The following SMURF1 variants were observed in gnomAD, a reference collection of about 807,000 sequenced individuals.
The protein encoded by SMURF1 is E3 ubiquitin-protein ligase SMURF1.
SMURF1 carries 44 observed loss-of-function variants against 98.0 expected under a neutral mutation model. The ratio of observed to expected loss-of-function variants is 0.45; its 90% CI spans 0.35 to 0.58. SMURF1 has a LOEUF of 0.58. Among genes scored for constraint, SMURF1 ranks in the 20% least tolerant of loss-of-function variants. The pLI is 0.00. For synonymous variants in SMURF1, 396 were observed against 374.9 expected, an observed-to-expected ratio of 1.06 and a Z score of -0.65; for missense variants, 687 against 938.4, an observed-to-expected ratio of 0.73 and a Z score of 3.50.
rs1314739556 is a variant in SMURF1, at chr7:99,069,208, G to A, written c.56-7371C>T. 4.6e-5 allele frequency among the ~76,000 whole-genome samples: 7 copies of A among 152,168 alleles called. No individual in the cohort carries two copies. In the East Asian group the frequency reaches 1.4e-3, roughly 29 times the overall value. On this transcript the variant is annotated intron_variant, in intron 1 of 17. Coordinates refer to ENST00000361368, the MANE Select transcript of SMURF1 (RefSeq NM_181349.3). ...GTACATAAATGTTTCGACTGCTCTG[G>A]GAATTACAACTCTAACCATCAGTGA...
At chr7:99,043,677 AC>A (rs1795468099) in intron 11 of SMURF1, among the ~76,000 whole-genome samples, 1 of 152,262 alleles carries the variant, frequency 6.6e-6, no homozygotes, top group South Asian at 2.1e-4. Context: ...GCACATATTT[AC>A]AGAGACAAGT....
chr7:99,059,408 AAAATAAAATAAAATAAAATAAAAT>A (rs761800252), intron 3 of SMURF1, among the ~76,000 whole-genome samples: 8,093 of 92,194 alleles, frequency 0.088, 595 homozygotes, highest in Middle Eastern at 0.13. Flanking sequence ...AAAAAAAAAT[AAAATAAAATAAAATAAAATAAAAT>A]AAAATAAAAT....
At chr7:99,143,626 G>C in intron 1 of SMURF1, 100 bp downstream of exon 1, 1 of 1,023,246 alleles carries the variant, frequency 9.8e-7, no homozygotes. Context: ...CTGGGACAAC[G>C]GCCGGCGTGG....
intron 1 of SMURF1, among the ~76,000 whole-genome samples, chr7:99,137,200 T>C (rs969021429): frequency 6.6e-6 from 1 of 152,190 alleles, no homozygotes; most frequent in African/African-American, 2.4e-5. Context: ...GAATAAGACA[T>C]AACAGGAATC....
chr7:99,032,024 CGT>C (rs1241648106), intron 17 of SMURF1, among the ~76,000 whole-genome samples: 1 of 152,122 alleles, frequency 6.6e-6, no homozygotes, highest in Non-Finnish European at 1.5e-5. Flanking sequence ...AGACAAGGTA[CGT>C]GTGTCATAAG....
chr7:99,132,353 C>T (rs1173557389), intron 1 of SMURF1, among the ~76,000 whole-genome samples: 1 of 152,086 alleles, frequency 6.6e-6, no homozygotes, highest in Non-Finnish European at 1.5e-5. Flanking sequence ...TTGTGAGCAC[C>T]AGCAGGTGCC....
rs367761495 is a variant in SMURF1, at chr7:99,054,745, A to C, written c.479+45T>G. The C allele has an allele frequency of 9.0e-5, 140 of 1,563,036 alleles. No individual in the cohort carries two copies. In the African/African-American group the frequency reaches 1.6e-3, roughly 18 times the overall value. Reference sequence around the variant, plus strand: ...CGCTTTCCTATAGGCCGAGAGGTTAAGGCAGCAGAGAACTCAGCCCGCCTC... The same window carrying C: ...CGCTTTCCTATAGGCCGAGAGGTTACGGCAGCAGAGAACTCAGCCCGCCTC... On this transcript the variant is annotated intron_variant, in intron 6 of 17. Coordinates refer to ENST00000361368, the MANE Select transcript of SMURF1 (RefSeq NM_181349.3).
At chr7:99,096,337 G>A (rs980849403) in intron 1 of SMURF1, among the ~76,000 whole-genome samples, 17 of 152,190 alleles carry the variant, frequency 1.1e-4, no homozygotes, top group African/African-American at 3.6e-4. Context: ...GTCAATGCCT[G>A]CTAAACAAAT....
In SMURF1 at chr7:99,037,078, T is replaced by C. The variant is rs758481494; in HGVS notation, c.1798A>G (p.Lys600Glu). 6.2e-7 allele frequency: 1 copy of C among 1,613,926 alleles called. No individual in the cohort carries two copies. The highest frequency in any genetic ancestry group is 1.1e-5 in the South Asian group (1 of 91,058). Reference sequence around the variant, plus strand: ...CAGCAGGCACATACCTCCAGTTCCTTCTGGTCAAAAGGCTTCAGCAGATGT... The same window carrying C: ...CAGCAGGCACATACCTCCAGTTCCTCCTGGTCAAAAGGCTTCAGCAGATGT... ...PQHLLKPFDQ[K>E]ELELIIGGLD... Residue 600 changes from lysine (K) to glutamate (E), a missense_variant, in exon 15 of 18, where the codon AAG becomes GAG. Physicochemically the swap from Lys to Glu is moderately conservative, Grantham distance 56. Coordinates refer to ENST00000361368, the MANE Select transcript of SMURF1 (RefSeq NM_181349.3).
At chr7:99,078,821 ACT>A (rs1796519649) in intron 1 of SMURF1, among the ~76,000 whole-genome samples, 1 of 152,032 alleles carries the variant, frequency 6.6e-6, no homozygotes, top group South Asian at 2.1e-4. Flanking sequence ...GCTCCCACTG[ACT>A]CTGCATGGTG....
At chr7:99,082,973 C>CT (rs1796602050) in intron 1 of SMURF1, among the ~76,000 whole-genome samples, 1 of 151,906 alleles carries the variant, frequency 6.6e-6, no homozygotes, top group Non-Finnish European at 1.5e-5. Context: ...CCTATTAATG[C>CT]TTTTTTATAC....
intron 1 of SMURF1, among the ~76,000 whole-genome samples, chr7:99,129,279 A>G (rs921063982): frequency 1.3e-5 from 2 of 152,248 alleles, no homozygotes; most frequent in Non-Finnish European, 2.9e-5. Context: ...AAATAAGACC[A>G]TGTTACTATT....
chr7:99,135,668 TCA>T (rs1180632134), intron 1 of SMURF1, among the ~76,000 whole-genome samples: 2 of 152,268 alleles, frequency 1.3e-5, no homozygotes, highest in Non-Finnish European at 1.5e-5. Context: ...CACATTGATT[TCA>T]GTCTTTTATA....
chr7:99,119,166 G>A (rs1797535716), intron 1 of SMURF1, among the ~76,000 whole-genome samples: 1 of 151,872 alleles, frequency 6.6e-6, no homozygotes, highest in Non-Finnish European at 1.5e-5. Flanking sequence ...GGGGGATGGG[G>A]AGGTAGAGAA....
At chr7:99,050,894 TGGGGG>T in intron 8 of SMURF1, 6 of 1,314,434 alleles carry the variant, frequency 4.6e-6, no homozygotes, top group Non-Finnish European at 6.2e-6. Context: ...TGTTATGGGG[TGGGGG>T]GGGGGTCTCT....
In SMURF1 at chr7:99,143,887, C is replaced by T; in HGVS notation, c.-107G>A. 1 of 1,061,708 alleles carries T rather than the reference C, an allele frequency of 9.4e-7. No individual in the cohort carries two copies. Among genetic ancestry groups the T allele is most frequent in the East Asian group, 3.4e-5 (1 of 29,230 alleles). The allele number at this position is 1,061,708 out of a possible 1,614,324, so 65.8% of individuals were successfully genotyped here. A position where few individuals can be genotyped will look rare whatever the true frequency, so the allele number is the denominator to read the frequency against. On this transcript the variant is annotated 5_prime_UTR_variant, in exon 1 of 18. Transcript: ENST00000361368. ...CAAGGTTACGGCTCCGGGCTGGGCGCCGGGGTCCGAGCCGGGACACAAACT... is the reference window on the plus strand; with the variant it reads ...CAAGGTTACGGCTCCGGGCTGGGCGTCGGGGTCCGAGCCGGGACACAAACT...
At chr7:99,107,244 T>C (rs547635259) in intron 1 of SMURF1, among the ~76,000 whole-genome samples, 1 of 152,292 alleles carries the variant, frequency 6.6e-6, no homozygotes, top group African/African-American at 2.4e-5. Flanking sequence ...CTGGAAAACT[T>C]TGTATATTTC....
intron 1 of SMURF1, among the ~76,000 whole-genome samples, chr7:99,075,441 C>A (rs1307860777): frequency 1.3e-5 from 2 of 152,136 alleles, no homozygotes; most frequent in African/African-American, 2.4e-5. Flanking sequence ...GCAAAGGGAA[C>A]CCCCGATTTA....
chr7:99,041,294 C>T (rs1317929255), intron 12 of SMURF1, among the ~76,000 whole-genome samples: 1 of 151,916 alleles, frequency 6.6e-6, no homozygotes, highest in Admixed American at 6.6e-5. Context: ...CCCAGCTACT[C>T]GGGAGGCTGA....
Sources: gnomAD v4.1 joint callset for allele counts (sites outside exome capture counted in the v4.1 genomes callset) on GRCh38, gnomAD v4.1.1 for gene constraint, MANE v1.5 for transcripts, NCBI Gene and HGNC (gene_info 2026-07-23, HGNC 2026-07-21) for gene names.